Variants in CTNNBL1 observed in about 807,000 individuals in gnomAD.
The protein encoded by CTNNBL1 is catenin beta like 1, also known as beta-catenin-like protein 1.
A neutral mutation model predicts 72.7 loss-of-function variants in CTNNBL1; 31 were observed. The ratio of observed to expected loss-of-function variants is 0.43; its 90% CI spans 0.32 to 0.58. The LOEUF is 0.58. CTNNBL1 is among the 20% of genes least tolerant of loss of function. The pLI is 0.08. For missense variants in CTNNBL1, 534 were observed against 725.1 expected (o/e 0.74, Z 3.03); for synonymous variants, 240 against 267.3 (o/e 0.90, Z 1.00).
chr20:37,847,111 A>T (rs1311338459), intron 13 of CTNNBL1, among the ~76,000 whole-genome samples: 1 of 152,050 alleles, frequency 6.6e-6, no homozygotes, highest in Admixed American at 6.6e-5. Context: ...TTTAACCCTG[A>T]TTTTTGTTTT....
chr20:37,795,016 T>A (rs2073760016), intron 10 of CTNNBL1, among the ~76,000 whole-genome samples: 1 of 152,168 alleles, frequency 6.6e-6, no homozygotes, highest in African/African-American at 2.4e-5. Flanking sequence ...GGATATTCTC[T>A]TTTTCATTGG....
chr20:37,788,481 T>C (rs1189626057), intron 10 of CTNNBL1, among the ~76,000 whole-genome samples: 2 of 152,210 alleles, frequency 1.3e-5, no homozygotes, highest in African/African-American at 2.4e-5. Context: ...CCTGAACATA[T>C]TTAGTTCTGT....
chr20:37,696,706 G>A (rs903756263), intron 1 of CTNNBL1, among the ~76,000 whole-genome samples: 3 of 151,848 alleles, frequency 2.0e-5, no homozygotes, highest in African/African-American at 7.3e-5. Context: ...GCCTCCCAAA[G>A]TGCTGTGATT....
intron 11 of CTNNBL1, among the ~76,000 whole-genome samples, chr20:37,839,317 G>A (rs961523004): frequency 6.6e-6 from 1 of 152,202 alleles, no homozygotes; most frequent in African/African-American, 2.4e-5. Flanking sequence ...TGTTCACACT[G>A]TGAGCATTTT....
At chr20:37,819,544 A>T (rs2072087285) in intron 11 of CTNNBL1, among the ~76,000 whole-genome samples, 1 of 152,164 alleles carries the variant, frequency 6.6e-6, no homozygotes, top group East Asian at 1.9e-4. Context: ...TGCCTATTTT[A>T]TTGTGGAAAG....
chr20:37,752,873 TA>T (rs1262032022), intron 4 of CTNNBL1, among the ~76,000 whole-genome samples: 11 of 152,282 alleles, frequency 7.2e-5, no homozygotes, highest in African/African-American at 2.6e-4. Flanking sequence ...AACTGTGTTT[TA>T]GTAATTCGCA....
Position 37,775,201 on chromosome 20 carries a change from T to C in CTNNBL1, c.751-2144T>C, listed in dbSNP as rs1444474843. On this transcript the variant is annotated intron_variant, in intron 7 of 15. Transcript: ENST00000361383. ...CACACAAATTGAAAGAAAAAATATTTTTATTTCATTCTTAAATATCATAGT... is the reference window on the plus strand; with the variant it reads ...CACACAAATTGAAAGAAAAAATATTCTTATTTCATTCTTAAATATCATAGT... Among the ~76,000 whole-genome samples the C allele has an allele frequency of 2.0e-5, 3 of 152,262 alleles. 1 individual carries two copies. In the South Asian group the frequency reaches 6.2e-4, roughly 31 times the overall value.
intron 11 of CTNNBL1, among the ~76,000 whole-genome samples, chr20:37,811,261 G>A (rs2072010032): frequency 6.6e-6 from 1 of 152,136 alleles, no homozygotes. Flanking sequence ...AGGATTCAGA[G>A]GCTGTTGCCA....
At chr20:37,818,958 T>A (rs6013140) in intron 11 of CTNNBL1, among the ~76,000 whole-genome samples, 4 of 152,336 alleles carry the variant, frequency 2.6e-5, no homozygotes, top group African/African-American at 9.6e-5. Flanking sequence ...TTTTCCTTTT[T>A]TAGGCTCCCC....
intron 1 of CTNNBL1, among the ~76,000 whole-genome samples, chr20:37,715,504 A>G (rs1283775337): frequency 3.3e-5 from 5 of 152,238 alleles, no homozygotes; most frequent in African/African-American, 1.2e-4. Flanking sequence ...TAAACCCCAC[A>G]ATGCTGTGAC....
In CTNNBL1 at chr20:37,794,943, C is replaced by G. The variant is rs576259950; in HGVS notation, c.1032-7924C>G. Among the ~76,000 whole-genome samples, 140 of 152,046 alleles carry G rather than the reference C, an allele frequency of 9.2e-4. 2 individuals carry two copies. The highest frequency in any genetic ancestry group is 6.4e-3 in the Admixed American group (97 of 15,264). On this transcript the variant is annotated intron_variant, in intron 10 of 15. Transcript: ENST00000361383. The stretch of plus-strand genomic sequence containing the variant: ...GCTTTCTTGGTTTTTGATGAGAAGT[C>G]TCCCATCATTCATATATGTGTTACT...
In CTNNBL1 at chr20:37,746,459, C is replaced by T. The variant is rs781162428; in HGVS notation, c.327-9C>T. The T allele has an allele frequency of 2.6e-5, 42 of 1,609,040 alleles. No homozygotes were observed. In the Admixed American group the frequency reaches 6.7e-4, roughly 26 times the overall value. The stretch of plus-strand genomic sequence containing the variant: ...TTTCCTTCTAATGATGTCTTGTTTT[C>T]CCTCCTAGGTTCATGGAATCCGAGC... On this transcript the variant is annotated splice_polypyrimidine_tract_variant and intron_variant, in intron 3 of 15. Transcript: ENST00000361383.
intron 11 of CTNNBL1, among the ~76,000 whole-genome samples, chr20:37,809,443 C>A (rs1357803910): frequency 1.3e-5 from 2 of 152,110 alleles, no homozygotes; most frequent in Non-Finnish European, 2.9e-5. Context: ...TTACAACAGC[C>A]CCTCAAGCTT....
At chr20:37,785,854 A>G (rs932014515) in intron 10 of CTNNBL1, among the ~76,000 whole-genome samples, 19 of 152,106 alleles carry the variant, frequency 1.2e-4, no homozygotes, top group African/African-American at 4.6e-4. Flanking sequence ...TAGTCTTTGC[A>G]GTCTGGGCTT....
intron 11 of CTNNBL1, among the ~76,000 whole-genome samples, chr20:37,829,108 G>C (rs979251268): frequency 1.3e-5 from 2 of 152,130 alleles, no homozygotes; most frequent in Admixed American, 1.3e-4. Flanking sequence ...CTGTCCATCT[G>C]GGGGGCAGGG....
chr20:37,727,288 AT>A (rs985522338), intron 1 of CTNNBL1: 2 of 965,808 alleles, frequency 2.1e-6, no homozygotes, highest in African/African-American at 3.5e-5. Flanking sequence ...AGATGTCTTG[AT>A]TTCTGTTTTC....
chr20:37,796,867 T>G (rs2073779286), intron 10 of CTNNBL1, among the ~76,000 whole-genome samples: 1 of 152,166 alleles, frequency 6.6e-6, no homozygotes, highest in African/African-American at 2.4e-5. Flanking sequence ...ATGCAATAAA[T>G]CTTAAAACTT....
intron 3 of CTNNBL1, among the ~76,000 whole-genome samples, chr20:37,744,209 A>C (rs1161026976): frequency 6.6e-6 from 1 of 152,226 alleles, no homozygotes; most frequent in Non-Finnish European, 1.5e-5. Context: ...AAAATACAAA[A>C]TGAGTTGTCT....
intron 5 of CTNNBL1, among the ~76,000 whole-genome samples, chr20:37,759,863 A>G (rs1306322560): frequency 6.6e-6 from 1 of 152,158 alleles, no homozygotes; most frequent in African/African-American, 2.4e-5. Flanking sequence ...TCATATTACA[A>G]GGGTTGAGTT....
Sources: allele counts gnomAD v4.1 joint callset (sites outside exome capture counted in the v4.1 genomes callset), GRCh38; gene constraint gnomAD v4.1.1; transcripts MANE v1.5; gene names NCBI Gene and HGNC (gene_info 2026-07-23, HGNC 2026-07-21).